Variants in PTK2B observed in about 807,000 individuals in gnomAD.
PTK2B encodes protein tyrosine kinase 2 beta, also known as protein-tyrosine kinase 2-beta.
PTK2B carries 71 observed loss-of-function variants against 142.9 expected under a neutral mutation model. The ratio of observed to expected loss-of-function variants is 0.50; its 90% CI spans 0.41 to 0.61. The LOEUF (loss-of-function observed/expected upper bound fraction) is 0.61, where lower values mean the gene tolerates loss of function less well. Among genes scored for constraint, PTK2B ranks in the 20% least tolerant of loss-of-function variants. The pLI is 0.00. For synonymous variants in PTK2B, 519 were observed against 503.4 expected (o/e 1.03, Z -0.42); for missense variants, 1,105 against 1,320.4 (o/e 0.84, Z 2.53).
chr8:27,428,889 AT>A (rs1054101645), intron 5 of PTK2B, among the ~76,000 whole-genome samples: 2 of 152,176 alleles, frequency 1.3e-5, no homozygotes, highest in African/African-American at 4.8e-5. Flanking sequence ...TTTATTAGAT[AT>A]TTCCTCTATG....
At chr8:27,311,339 T>C, upstream of PTK2B, 2 of 1,340,698 alleles carry the variant, frequency 1.5e-6, no homozygotes, top group Non-Finnish European at 2.0e-6. Flanking sequence ...GCCCAGTCCC[T>C]TCCCCTGGAA....
chr8:27,446,443 G>A (rs1404981382), intron 24 of PTK2B, among the ~76,000 whole-genome samples: 1 of 152,152 alleles, frequency 6.6e-6, no homozygotes, highest in Admixed American at 6.5e-5. Context: ...CTAGAGCAGG[G>A]ACCTAAGCCA....
intron 21 of PTK2B, among the ~76,000 whole-genome samples, chr8:27,440,917 T>C (rs939917201): frequency 3.9e-5 from 6 of 152,058 alleles, no homozygotes; most frequent in Non-Finnish European, 8.8e-5. Flanking sequence ...GGCCCGTCGG[T>C]GCCCAGGAGC....
intron 24 of PTK2B, among the ~76,000 whole-genome samples, chr8:27,446,261 A>G (rs1269054763): frequency 2.0e-5 from 3 of 152,178 alleles, no homozygotes; most frequent in Non-Finnish European, 4.4e-5. Flanking sequence ...AGGGCACAGC[A>G]CAGCTTAGTG....
intron 2 of PTK2B, among the ~76,000 whole-genome samples, chr8:27,415,532 TA>T (rs943519190): frequency 1.3e-5 from 2 of 152,202 alleles, no homozygotes; most frequent in Admixed American, 1.3e-4. Context: ...TGAGTGCCCA[TA>T]GCAAGCACAA....
chr8:27,430,312 T>C, intron 6 of PTK2B, 52 bp from the exon 7 acceptor site: 1 of 1,610,650 alleles, frequency 6.2e-7, no homozygotes, highest in Non-Finnish European at 8.5e-7. Flanking sequence ...CCCGCAGTCC[T>C]GTGGTGGGGG....
intron 1 of PTK2B, among the ~76,000 whole-genome samples, chr8:27,395,479 A>G (rs566704697): frequency 9.4e-4 from 143 of 152,202 alleles, no homozygotes; most frequent in Non-Finnish European, 1.7e-3. Flanking sequence ...TGCTTTTCTC[A>G]TCTTCATACC....
intron 8 of PTK2B, 24 bp downstream of exon 8, chr8:27,431,040 T>C (rs1452807282): frequency 4.4e-6 from 7 of 1,602,436 alleles, no homozygotes; most frequent in African/African-American, 1.3e-5. Context: ...CTCTTGATCC[T>C]CTCCCTGACC....
At chr8:27,369,569 C>T (rs1462989908) in intron 1 of PTK2B, among the ~76,000 whole-genome samples, 1 of 151,894 alleles carries the variant, frequency 6.6e-6, no homozygotes, top group Non-Finnish European at 1.5e-5. Flanking sequence ...ACTGGGGAGG[C>T]TGAGGCAGGA....
chr8:27,311,512 T>G (rs1397343511), exon 1 of PTK2B: 5 of 513,264 alleles, frequency 9.7e-6, no homozygotes, highest in Non-Finnish European at 1.7e-5. Flanking sequence ...TCCGGGCGGG[T>G]CCCTGGCCGG....
At chr8:27,323,039 C>T (rs529468030), upstream of PTK2B, among the ~76,000 whole-genome samples, 1 of 152,348 alleles carries the variant, frequency 6.6e-6, no homozygotes, top group South Asian at 2.1e-4. Context: ...TTTCAAATGC[C>T]ATCCCAAAAG....
chr8:27,456,900 A>C (rs1026875053), intron 30 of PTK2B, among the ~76,000 whole-genome samples: 5 of 152,234 alleles, frequency 3.3e-5, no homozygotes, highest in Admixed American at 3.3e-4. Context: ...CTTCAATTCT[A>C]TGAAGGCTGA....
intron 3 of PTK2B, among the ~76,000 whole-genome samples, chr8:27,317,013 G>C (rs1803109278): frequency 6.6e-6 from 1 of 152,198 alleles, no homozygotes; most frequent in Admixed American, 6.5e-5. Flanking sequence ...GGTTATGTCA[G>C]TGACTTTAGA....
intron 24 of PTK2B, among the ~76,000 whole-genome samples, chr8:27,450,290 C>T (rs1811720408): frequency 6.6e-6 from 1 of 152,148 alleles, no homozygotes; most frequent in Non-Finnish European, 1.5e-5. Flanking sequence ...GTGGAGATAG[C>T]ATCAGAAGGG....
chr8:27,387,794 T>TTAGA (rs1171843953), intron 1 of PTK2B, among the ~76,000 whole-genome samples: 19 of 151,566 alleles, frequency 1.3e-4, no homozygotes, highest in African/African-American at 4.1e-4. Flanking sequence ...AACCACATCT[T>TTAGA]TCTCATCCTA....
At position 27,410,823 on chromosome 8, in the gene PTK2B, A is replaced by T. The variant is rs539270173; in HGVS notation, c.205-9072A>T. Among the ~76,000 whole-genome samples, 4 of 152,338 alleles carry T rather than the reference A, an allele frequency of 2.6e-5. No homozygotes were observed. In the South Asian group the frequency reaches 8.3e-4, roughly 32 times the overall value. The stretch of plus-strand genomic sequence containing the variant: ...GACCTATAGGAAGAAAGGCCAGAGA[A>T]TAGGGAGAGAGGCAAAGGTAGTTTG... On this transcript the variant is annotated intron_variant, in intron 2 of 30. Coordinates refer to ENST00000346049, the MANE Select transcript of PTK2B (RefSeq NM_173176.3).
chr8:27,438,123 AT>A, intron 18 of PTK2B: 1 of 459,376 alleles, frequency 2.2e-6, no homozygotes, highest in South Asian at 2.6e-5. Context: ...GTGTCTGTCT[AT>A]ATATCAAGAC....
chr8:27,350,989 AAAT>A (rs1199296988), intron 1 of PTK2B, among the ~76,000 whole-genome samples: 2 of 17,724 alleles, frequency 1.1e-4, no homozygotes, highest in East Asian at 6.9e-4. Flanking sequence ...AAAAAAAAAA[AAAT>A]ATATATATAT....
At chr8:27,397,900 A>AT in intron 2 of PTK2B, 112 bp downstream of exon 2, 7 of 1,293,460 alleles carry the variant, frequency 5.4e-6, no homozygotes, top group Non-Finnish European at 6.6e-6. Context: ...CCCTGGGTGG[A>AT]AGAGGTGAGG....
Sources: gnomAD v4.1 joint callset for allele counts (sites outside exome capture counted in the v4.1 genomes callset) on GRCh38, gnomAD v4.1.1 for gene constraint, MANE v1.5 for transcripts, NCBI Gene and HGNC (gene_info 2026-07-23, HGNC 2026-07-21) for gene names.